The following NKAIN2 variants were observed in gnomAD, a reference collection of about 807,000 sequenced individuals.
The protein encoded by NKAIN2 is sodium/potassium transporting ATPase interacting 2.
A neutral mutation model predicts 32.6 loss-of-function variants in NKAIN2; 14 were observed. The observed-to-expected ratio is 0.43, with a 90% CI of 0.28 to 0.67. The LOEUF (loss-of-function observed/expected upper bound fraction) is 0.67. Ranked by LOEUF, NKAIN2 falls within the 30% of genes least tolerant of loss-of-function variation. The pLI is 0.17. For synonymous variants in NKAIN2, 80 were observed against 87.2 expected, an observed-to-expected ratio of 0.92 and a Z score of 0.46; for missense variants, 198 against 258.3, an observed-to-expected ratio of 0.77 and a Z score of 1.60.
At position 123,837,100 on chromosome 6, in the gene NKAIN2, C is replaced by A. The variant is rs565522743; in HGVS notation, c.54+32846C>A. ...ATGAAATCACCCATATTTTGTTTTA[C>A]CATCCAGGAATAACTACTCTTAACT... On this transcript the variant is annotated intron_variant, in intron 1 of 6. Coordinates refer to ENST00000368417, the MANE Select transcript of NKAIN2 (RefSeq NM_001040214.3). Among the ~76,000 whole-genome samples, 3 of 152,104 alleles carry A rather than the reference C, an allele frequency of 2.0e-5. No individual in the cohort carries two copies. In the East Asian group the frequency reaches 5.8e-4, roughly 29 times the overall value.
intron 3 of NKAIN2, among the ~76,000 whole-genome samples, chr6:124,602,340 G>A (rs76325900): frequency 0.02 from 3,092 of 151,944 alleles, 53 homozygotes; most frequent in Non-Finnish European, 0.032. Flanking sequence ...TTTGTATTTT[G>A]TATTTAAAAT....
At chr6:124,412,033 A>G (rs1774213392) in intron 3 of NKAIN2, among the ~76,000 whole-genome samples, 2 of 152,224 alleles carry the variant, frequency 1.3e-5, no homozygotes, top group Non-Finnish European at 2.9e-5. Context: ...CAGCTCCATC[A>G]GGTCCTTTAA....
chr6:124,624,922 G>A (rs2114272877), intron 3 of NKAIN2, among the ~76,000 whole-genome samples: 1 of 127,238 alleles, frequency 7.9e-6, no homozygotes, highest in South Asian at 2.4e-4. Flanking sequence ...AGACTAAAGT[G>A]TCTCATTTTT....
At chr6:124,269,561 A>G (rs802501) in intron 1 of NKAIN2, among the ~76,000 whole-genome samples, 147,451 of 151,290 alleles carry the variant, frequency 0.97, 71,895 homozygotes, top group Middle Eastern at 1. Context: ...TCCGCCTCCC[A>G]AGTTCAAGCG....
chr6:123,872,417 G>A (rs1432927889), intron 1 of NKAIN2, among the ~76,000 whole-genome samples: 1 of 152,214 alleles, frequency 6.6e-6, no homozygotes, highest in Non-Finnish European at 1.5e-5. Flanking sequence ...GGTGCCCTGG[G>A]AGGGCATAAA....
chr6:124,514,804 C>T (rs1157108323), intron 3 of NKAIN2, among the ~76,000 whole-genome samples: 15 of 150,916 alleles, frequency 9.9e-5, no homozygotes, highest in Admixed American at 4.0e-4. Context: ...ATCTTACCCA[C>T]GGAATTCTCA....
At chr6:124,104,083 T>C (rs966070865) in intron 1 of NKAIN2, among the ~76,000 whole-genome samples, 6 of 152,108 alleles carry the variant, frequency 3.9e-5, no homozygotes, top group African/African-American at 1.4e-4. Context: ...CGAGACTCCA[T>C]CTCAAAAAAT....
intron 1 of NKAIN2, among the ~76,000 whole-genome samples, chr6:124,202,518 G>A (rs193231493): frequency 2.2e-4 from 33 of 152,044 alleles, no homozygotes; most frequent in South Asian, 1.2e-3. Context: ...TTGCATTTCA[G>A]TAAGCTTTGG....
chr6:123,921,414 T>C (rs1405156969), intron 1 of NKAIN2, among the ~76,000 whole-genome samples: 2 of 152,220 alleles, frequency 1.3e-5, no homozygotes, highest in Non-Finnish European at 2.9e-5. Context: ...GTGCATTAAT[T>C]TATTCATTCC....
intron 1 of NKAIN2, among the ~76,000 whole-genome samples, chr6:124,153,740 T>C (rs1787847698): frequency 1.3e-5 from 2 of 151,700 alleles, no homozygotes; most frequent in Non-Finnish European, 3.0e-5. Context: ...TTCATTTAAT[T>C]ATAATTGTTT....
chr6:124,788,021 A>G (rs1177858722), intron 4 of NKAIN2, among the ~76,000 whole-genome samples: 3 of 152,230 alleles, frequency 2.0e-5, no homozygotes, highest in Middle Eastern at 3.4e-3. Context: ...AAAGTGTCCA[A>G]TCTACTGTTT....
At chr6:123,926,473 T>C (rs1776009133) in intron 1 of NKAIN2, among the ~76,000 whole-genome samples, 1 of 151,882 alleles carries the variant, frequency 6.6e-6, no homozygotes, top group East Asian at 1.9e-4. Context: ...CCCAGATTGC[T>C]GCTGCAGTGT....
chr6:124,274,235 T>C (rs534757443), intron 1 of NKAIN2, among the ~76,000 whole-genome samples: 10 of 152,338 alleles, frequency 6.6e-5, no homozygotes, highest in African/African-American at 2.4e-4. Flanking sequence ...CTGTTCTTAC[T>C]GTGAACTAGT....
chr6:124,121,593 C>A (rs1375946916), intron 1 of NKAIN2, among the ~76,000 whole-genome samples: 1 of 152,002 alleles, frequency 6.6e-6, no homozygotes, highest in Non-Finnish European at 1.5e-5. Flanking sequence ...CAGGAACTAT[C>A]AGAATTGAAA....
At chr6:124,439,846 A>T (rs1156588078) in intron 3 of NKAIN2, among the ~76,000 whole-genome samples, 2 of 151,922 alleles carry the variant, frequency 1.3e-5, no homozygotes, top group South Asian at 4.1e-4. Context: ...CCCGCACTTC[A>T]TCTCCTTGTC....
At chr6:124,645,840 T>C (rs1012972145) in intron 3 of NKAIN2, among the ~76,000 whole-genome samples, 4 of 152,174 alleles carry the variant, frequency 2.6e-5, no homozygotes, top group African/African-American at 9.6e-5. Flanking sequence ...CTTTGCTCTG[T>C]TCACTCCTTC....
chr6:124,797,931 C>T (rs1481159350), intron 5 of NKAIN2, among the ~76,000 whole-genome samples: 3 of 151,954 alleles, frequency 2.0e-5, no homozygotes, highest in African/African-American at 7.2e-5. Flanking sequence ...TAAAATAACC[C>T]CATAATTCTG....
At chr6:124,267,864 T>G (rs1794575169) in intron 1 of NKAIN2, among the ~76,000 whole-genome samples, 1 of 152,206 alleles carries the variant, frequency 6.6e-6, no homozygotes, top group Admixed American at 6.6e-5. Context: ...CTATGAATTT[T>G]TATGTGTTGA....
chr6:124,201,326 T>C (rs559892064), intron 1 of NKAIN2, among the ~76,000 whole-genome samples: 5 of 152,116 alleles, frequency 3.3e-5, no homozygotes, highest in African/African-American at 1.2e-4. Flanking sequence ...TCTTTAAATA[T>C]AGTGACCCAT....
Sources: allele counts gnomAD v4.1 joint callset (sites outside exome capture counted in the v4.1 genomes callset), GRCh38; gene constraint gnomAD v4.1.1; transcripts MANE v1.5; gene names NCBI Gene and HGNC (gene_info 2026-07-23, HGNC 2026-07-21).